The following NAV1 variants were observed in gnomAD, a reference collection of about 807,000 sequenced individuals.
NAV1 encodes the protein pore membrane and/or filament interacting like protein 3.
Under a neutral mutation model 175.2 loss-of-function variants are expected in NAV1, and 18 were observed. The ratio of observed to expected loss-of-function variants is 0.10; its 90% confidence interval spans 0.07 to 0.15. NAV1 has a LOEUF of 0.15. NAV1 is among the 10% of genes least tolerant of loss of function. The pLI, the probability that NAV1 is intolerant of heterozygous loss-of-function variation, is 1.00. For synonymous variants in NAV1, 897 were observed against 978.7 expected (o/e 0.92, Z 1.56); for missense variants, 1,731 against 2,436.6 (o/e 0.71, Z 6.10).
chr1:201,629,558 A>T (rs990188640), intron 2 of NAV1, 51 bp downstream of exon 4: 1 of 1,198,288 alleles, frequency 8.3e-7, no homozygotes, highest in Non-Finnish European at 1.1e-6. Flanking sequence ...CCACTGTGCT[A>T]GAGCTGCCTA....
intron 15 of NAV1, chr1:201,796,633 G>A (rs1028833460): frequency 2.0e-5 from 3 of 152,096 alleles, no homozygotes; most frequent in East Asian, 1.9e-4. Flanking sequence ...AGCCCTTATA[G>A]CTCCACATTC....
rs372246701 is a variant in NAV1, at chr1:201,625,965, C to T, written c.-101+2359C>T. Among the ~76,000 whole-genome samples, 15 of 152,342 alleles carry T rather than the reference C, an allele frequency of 9.8e-5. No homozygotes were observed. In the East Asian group the frequency reaches 2.9e-3, roughly 29 times the overall value. ...GAAATGTGTCACACCACCCTACCTC[C>T]TAGACCCTGCCCCTTTCAGTCTCTG... On this transcript the variant is annotated intron_variant, in intron 1 of 29. Transcript: ENST00000367302.
chr1:201,738,635 G>A (rs113318503), intron 3 of NAV1, among the ~76,000 whole-genome samples: 416 of 151,860 alleles, frequency 2.7e-3, no homozygotes, highest in African/African-American at 8.9e-3. Context: ...AGGAGGAGGA[G>A]TTCAGGAGTG....
At chr1:201,804,642 G>C in intron 17 of NAV1, 145 bp downstream of exon 21, 1 of 779,030 alleles carries the variant, frequency 1.3e-6, no homozygotes, top group Non-Finnish European at 2.0e-6. Context: ...CAACCACCCA[G>C]AGTTCCTAAC....
At chr1:201,806,175 C>T (rs944200144) in intron 17 of NAV1, among the ~76,000 whole-genome samples, 14 of 151,970 alleles carry the variant, frequency 9.2e-5, no homozygotes, top group Non-Finnish European at 1.3e-4. Context: ...AGTAGAGACG[C>T]GGTTTCACCA....
intron 1 of NAV1, 118 bp downstream of exon 3, chr1:201,623,724 G>A: frequency 1.1e-6 from 1 of 951,650 alleles, no homozygotes; most frequent in Non-Finnish European, 1.3e-6. Flanking sequence ...GAGGGCCCCA[G>A]GCGATACAAA....
intron 1 of NAV1, among the ~76,000 whole-genome samples, chr1:201,569,030 G>A (rs867928814): frequency 9.2e-5 from 14 of 152,290 alleles, no homozygotes; most frequent in South Asian, 2.1e-4. Context: ...GCTGCTTCCT[G>A]TTAGCAGGAC....
Position 201,641,941 on chromosome 1 carries a change from TTC to T in NAV1, c.5-6689_5-6688del, listed in dbSNP as rs567360988. Among the ~76,000 whole-genome samples, 636 of 151,344 alleles carry T rather than the reference TTC, an allele frequency of 4.2e-3. 5 individuals are homozygous for T. Among genetic ancestry groups the T allele is most frequent in the African/African-American group, 0.015 (603 of 41,266 alleles). ...TTCCTTCCCTCCCTCCCTCCTTTCT[TTC>T]TCTTTTTCTTCCCTTCCTTCCTTTC... On this transcript the variant is annotated intron_variant, in intron 2 of 29. Transcript: ENST00000367302.
intron 3 of NAV1, among the ~76,000 whole-genome samples, chr1:201,722,506 C>T (rs192727187): frequency 6.6e-6 from 1 of 152,342 alleles, no homozygotes; most frequent in African/African-American, 2.4e-5. Flanking sequence ...ACCCATTCAT[C>T]TGTTCATGGG....
exon 1 of NAV1, chr1:201,648,569 C>A: frequency 7.9e-7 from 1 of 1,261,452 alleles, no homozygotes; most frequent in South Asian, 3.3e-5. Flanking sequence ...TCTCTCTCCC[C>A]CTCCTCCTCC....
chr1:201,743,936 G>C (rs1673596646), intron 3 of NAV1, among the ~76,000 whole-genome samples: 1 of 152,164 alleles, frequency 6.6e-6, no homozygotes, highest in Non-Finnish European at 1.5e-5. Context: ...CCAGGCTGGA[G>C]TGCAATGGCA....
rs10716495 is a variant in NAV1 at position 201,719,157 on chromosome 1, C to CA, written c.1226+416dup. ...ACAACTAAATCTGCTTTCCCATTTGCAAAAAAAAAAAAAACCAAAAAGGTT... is the reference window on the plus strand; with the variant it reads ...ACAACTAAATCTGCTTTCCCATTTGCAAAAAAAAAAAAAAACCAAAAAGGTT... On this transcript the variant is annotated intron_variant, in intron 3 of 29. Coordinates refer to ENST00000367296, the Ensembl canonical transcript of NAV1. 3.1e-3 allele frequency among the ~76,000 whole-genome samples: 422 copies of CA among 134,378 alleles called. 1 individual carries two copies. Among genetic ancestry groups the CA allele is most frequent in the Middle Eastern group, 4.1e-3 (1 of 246 alleles). The allele number at this position is 134,378 out of a possible 152,430, so 88.2% of individuals were successfully genotyped here. A position where few individuals can be genotyped will look rare whatever the true frequency, so the allele number is the denominator to read the frequency against.
chr1:201,711,139 C>T (rs929092089), intron 1 of NAV1, among the ~76,000 whole-genome samples: 11 of 152,236 alleles, frequency 7.2e-5, no homozygotes, highest in Admixed American at 6.5e-4. Context: ...TTGGCGGCCA[C>T]GGAAGTGATG....
At chr1:201,774,191 C>CA (rs764286179) in intron 3 of NAV1, among the ~76,000 whole-genome samples, 94 of 152,286 alleles carry the variant, frequency 6.2e-4, no homozygotes, top group Non-Finnish European at 1.1e-3. Flanking sequence ...GGGAGGGAGA[C>CA]AGCAAAATCC....
intron 1 of NAV1, among the ~76,000 whole-genome samples, chr1:201,660,293 G>T (rs949045493): frequency 1.3e-5 from 2 of 152,170 alleles, no homozygotes; most frequent in African/African-American, 4.8e-5. Context: ...GTAGTGGCGG[G>T]GCTGAGACCC....
rs1377810733 is a variant in NAV1 at position 201,810,011 on chromosome 1, C to T, written c.4467C>T (p.Tyr1489=). Reference sequence around the variant, plus strand: ...TAAGCACTGAGTCCATCCATGGCTACAGCATCAGCCACGTGAAACGAGTGT... The same window carrying T: ...TAAGCACTGAGTCCATCCATGGCTATAGCATCAGCCACGTGAAACGAGTGT... Residue 1489 remains tyrosine (Y), a synonymous_variant, in exon 23 of 30, where the codon TAC becomes TAT. Coordinates refer to ENST00000367296, the Ensembl canonical transcript of NAV1. This position sits in a 1 kb window ranked among gnomAD's most constrained non-coding sequence, Gnocchi z 6.0. 6.2e-7 allele frequency: 1 copy of T among 1,614,060 alleles called. No individual in the cohort carries two copies. Among genetic ancestry groups the T allele is most frequent in the Non-Finnish European group, 8.5e-7 (1 of 1,179,978 alleles).
chr1:201,640,532 T>C (rs1668722718), intron 2 of NAV1, among the ~76,000 whole-genome samples: 1 of 152,158 alleles, frequency 6.6e-6, no homozygotes, highest in Non-Finnish European at 1.5e-5. Flanking sequence ...GGTGAAACTA[T>C]CCCCATGCCT....
chr1:201,604,720 GAAAGAGAA>G (rs1369625510), intron 2 of NAV1, among the ~76,000 whole-genome samples: 3 of 137,636 alleles, frequency 2.2e-5, no homozygotes, highest in Non-Finnish European at 4.8e-5. Context: ...AGAAAGGAAA[GAAAGAGAA>G]AGAAAGAAAG....
At chr1:201,817,423 G>C in intron 29 of NAV1, 138 bp downstream of exon 33, 1 of 719,376 alleles carries the variant, frequency 1.4e-6, no homozygotes, top group East Asian at 2.8e-5. Context: ...AACCAGCCTG[G>C]GCAACATAAT....
Sources: allele counts gnomAD v4.1 joint callset (sites outside exome capture counted in the v4.1 genomes callset), GRCh38; gene constraint gnomAD v4.1.1; non-coding constraint Gnocchi (gnomAD v3.1); transcripts MANE v1.5; gene names NCBI Gene and HGNC (gene_info 2026-07-23, HGNC 2026-07-21).